The following ITGBL1 variants were observed in gnomAD, a reference collection of about 807,000 sequenced individuals.
The protein encoded by ITGBL1 is integrin subunit beta like 1, also known as integrin beta-like protein 1.
A neutral mutation model predicts 68.5 loss-of-function variants in ITGBL1; 51 were observed. The ratio of observed to expected loss-of-function variants is 0.74; its 90% CI spans 0.59 to 0.94. The LOEUF (loss-of-function observed/expected upper bound fraction) is 0.94. Among genes scored for constraint, ITGBL1 ranks in the 40% least tolerant of loss-of-function variants. The pLI is 0.00. For missense variants in ITGBL1, 649 were observed against 647.4 expected (o/e 1.00, Z -0.03); for synonymous variants, 209 against 227.3 (o/e 0.92, Z 0.72).
chr13:101,551,974 C>T (rs766706831), intron 2 of ITGBL1, among the ~76,000 whole-genome samples: 6 of 152,120 alleles, frequency 3.9e-5, no homozygotes, highest in Non-Finnish European at 8.8e-5. Context: ...GAGTTTTGAA[C>T]TGATCATATT....
At chr13:101,461,498 G>T (rs894050978) in intron 2 of ITGBL1, among the ~76,000 whole-genome samples, 1 of 152,000 alleles carries the variant, frequency 6.6e-6, no homozygotes, top group South Asian at 2.1e-4. Flanking sequence ...GTTTGAGACC[G>T]GCCTGGGCAG....
chr13:101,575,441 A>T lies in ITGBL1; in HGVS notation c.481A>T (p.Arg161Trp). ...CSNAGTCHCGRCKCDNSDGSG... is the reference protein window; with the variant it reads ...CSNAGTCHCGWCKCDNSDGSG... The stretch of plus-strand genomic sequence containing the variant: ...TGGTTTAGGTACATGTCACTGTGGC[A>T]GGTGTAAGTGTGATAATTCAGATGG... Residue 161 changes from arginine to tryptophan, a missense_variant, in exon 4 of 11, where the codon AGG (arginine) becomes TGG (tryptophan). Arg to Trp is a moderately radical substitution (Grantham distance 101, BLOSUM62 -3). Transcript: ENST00000376180. 1 of 1,612,900 alleles carries T rather than the reference A, an allele frequency of 6.2e-7. No homozygotes were observed. The highest frequency in any genetic ancestry group is 8.5e-7 in the Non-Finnish European group (1 of 1,179,136).
rs867467139 is a variant in ITGBL1 at position 101,575,466 on chromosome 13, G to T, written c.506G>T (p.Gly169Val). The T allele has an allele frequency of 6.2e-7, 1 of 1,612,886 alleles. No homozygotes were observed. Among genetic ancestry groups the T allele is most frequent in the African/African-American group, 1.3e-5 (1 of 74,850 alleles). Residue 169 changes from glycine to valine, a missense_variant, in exon 4 of 11, where the codon GGA becomes GTA. Gly to Val is a moderately radical substitution (Grantham distance 109, BLOSUM62 -3). Transcript: ENST00000376180. Reference protein sequence around the residue: ...CGRCKCDNSDGSGLVYGKFCE... With the variant: ...CGRCKCDNSDVSGLVYGKFCE... The stretch of plus-strand genomic sequence containing the variant: ...AGGTGTAAGTGTGATAATTCAGATG[G>T]AAGTGGACTTGTGTATGGTAAATTT...
intron 7 of ITGBL1, among the ~76,000 whole-genome samples, chr13:101,602,803 A>G (rs551174809): frequency 8.5e-5 from 13 of 152,178 alleles, no homozygotes; most frequent in African/African-American, 3.1e-4. Flanking sequence ...TGAGTATTCC[A>G]TACAAATGGA....
chr13:101,531,724 T>TG (rs2049483802), intron 2 of ITGBL1, among the ~76,000 whole-genome samples: 3 of 150,124 alleles, frequency 2.0e-5, no homozygotes, highest in Non-Finnish European at 3.0e-5. Context: ...TATTTATTTA[T>TG]TTATTTATTT....
chr13:101,639,981 C>T (rs1262611415), intron 7 of ITGBL1, among the ~76,000 whole-genome samples: 1 of 152,154 alleles, frequency 6.6e-6, no homozygotes, highest in African/African-American at 2.4e-5. Context: ...GTTTTAAATA[C>T]AGCATGTGGA....
chr13:101,495,295 G>A (rs1229483861), intron 2 of ITGBL1, among the ~76,000 whole-genome samples: 2 of 152,178 alleles, frequency 1.3e-5, no homozygotes, highest in Non-Finnish European at 2.9e-5. Flanking sequence ...GAAATGGTGG[G>A]ATCTGAGCTG....
chr13:101,677,893 A>G (rs918964228), intron 7 of ITGBL1, among the ~76,000 whole-genome samples: 4 of 152,232 alleles, frequency 2.6e-5, no homozygotes, highest in Non-Finnish European at 4.4e-5. Context: ...CTTCATAGAT[A>G]AAAATGGCTT....
chr13:101,619,391 G>C (rs570057826), intron 7 of ITGBL1, among the ~76,000 whole-genome samples: 2 of 152,110 alleles, frequency 1.3e-5, no homozygotes, highest in East Asian at 3.9e-4. Flanking sequence ...AGAATCAAGT[G>C]ATTCAACATG....
rs113792885 is a variant in ITGBL1, at chr13:101,607,867, A to T, written c.1015+9568A>T. Among the ~76,000 whole-genome samples the T allele has an allele frequency of 3.2e-3, 492 of 152,152 alleles. 1 individual carries two copies. The highest frequency in any genetic ancestry group is 0.011 in the African/African-American group (468 of 41,556). On this transcript the variant is annotated intron_variant, in intron 7 of 10. Coordinates refer to ENST00000376180, the MANE Select transcript of ITGBL1 (RefSeq NM_004791.3). ...GAATGATTTATCTGCAGGCATTATT[A>T]TTCAGAGGCTTGTGTTTTCAGTATT...
intron 3 of ITGBL1, among the ~76,000 whole-genome samples, chr13:101,570,055 A>G (rs1178003121): frequency 6.6e-6 from 1 of 152,130 alleles, no homozygotes; most frequent in African/African-American, 2.4e-5. Context: ...ATGAACTGTA[A>G]CATTCTCTCT....
intron 2 of ITGBL1, among the ~76,000 whole-genome samples, chr13:101,491,533 T>C (rs1405247605): frequency 1.3e-5 from 2 of 152,236 alleles, no homozygotes; most frequent in Non-Finnish European, 2.9e-5. Flanking sequence ...CATTGTCATT[T>C]TCTTATGCCA....
chr13:101,506,178 G>A (rs1052288994), intron 2 of ITGBL1, among the ~76,000 whole-genome samples: 4 of 152,168 alleles, frequency 2.6e-5, no homozygotes, highest in Non-Finnish European at 5.9e-5. Context: ...AGAATGTACT[G>A]CTGAGCCAAA....
At chr13:101,618,255 A>G (rs1161215430) in intron 7 of ITGBL1, among the ~76,000 whole-genome samples, 1 of 152,218 alleles carries the variant, frequency 6.6e-6, no homozygotes, top group Non-Finnish European at 1.5e-5. Flanking sequence ...GATGCCTACT[A>G]TAGATCAAAG....
chr13:101,605,326 G>GTA (rs61728049), intron 7 of ITGBL1, among the ~76,000 whole-genome samples: 3 of 139,148 alleles, frequency 2.2e-5, no homozygotes, highest in African/African-American at 8.1e-5. Flanking sequence ...ATGCATATGC[G>GTA]TATATATATA....
intron 2 of ITGBL1, among the ~76,000 whole-genome samples, chr13:101,520,362 G>A (rs546152113): frequency 3.9e-5 from 6 of 152,218 alleles, no homozygotes; most frequent in South Asian, 2.1e-4. Context: ...GCTTTTTAGA[G>A]AGCAGCATTT....
At chr13:101,657,708 T>G (rs2139469850) in intron 7 of ITGBL1, among the ~76,000 whole-genome samples, 1 of 152,374 alleles carries the variant, frequency 6.6e-6, no homozygotes, top group Admixed American at 6.5e-5. Flanking sequence ...TTCATAAATC[T>G]ATTTGATTTA....
intron 7 of ITGBL1, among the ~76,000 whole-genome samples, chr13:101,687,396 G>A (rs1278154991): frequency 2.6e-5 from 4 of 151,600 alleles, no homozygotes; most frequent in African/African-American, 9.7e-5. Context: ...AATGATTGTG[G>A]GAAAATATAA....
At chr13:101,664,558 T>C (rs2033167318) in intron 7 of ITGBL1, among the ~76,000 whole-genome samples, 3 of 152,280 alleles carry the variant, frequency 2.0e-5, no homozygotes, top group South Asian at 2.1e-4. Context: ...TTAAATGCAG[T>C]TGGGATATAT....
Sources: allele counts gnomAD v4.1 joint callset (sites outside exome capture counted in the v4.1 genomes callset), GRCh38; gene constraint gnomAD v4.1.1; transcripts MANE v1.5; gene names NCBI Gene and HGNC (gene_info 2026-07-23, HGNC 2026-07-21).